AP3S1: variants seen among roughly 807,000 people sequenced by gnomAD.
AP3S1 encodes the protein AP-3 complex subunit sigma-1.
Under a neutral mutation model 21.3 loss-of-function variants are expected in AP3S1, and 12 were observed. The observed-to-expected ratio is 0.56, with a 90% CI of 0.36 to 0.91. The LOEUF (loss-of-function observed/expected upper bound fraction) is 0.91. Among genes scored for constraint, AP3S1 ranks in the 40% least tolerant of loss-of-function variants. The probability of loss-of-function intolerance (pLI) is 0.01; values close to 1 mark genes in which losing one functional copy is unlikely to be tolerated. For missense variants in AP3S1, 116 were observed against 225.0 expected (o/e 0.52, Z 3.10); for synonymous variants, 48 against 78.4 (o/e 0.61, Z 2.05).
At chr5:115,891,564 T>C (rs1214478935) in intron 3 of AP3S1, among the ~76,000 whole-genome samples, 1 of 152,166 alleles carries the variant, frequency 6.6e-6, no homozygotes, top group African/African-American at 2.4e-5. Context: ...TACCCACTTA[T>C]TATAAAGAAT....
At chr5:115,895,603 A>G (rs539767343) in intron 4 of AP3S1, among the ~76,000 whole-genome samples, 68 of 152,302 alleles carry the variant, frequency 4.5e-4, no homozygotes, top group Admixed American at 1.4e-3. Flanking sequence ...AGTTTAAAAC[A>G]ACCATTAATG....
chr5:115,854,570 G>A (rs1762663900), intron 1 of AP3S1, among the ~76,000 whole-genome samples: 1 of 152,098 alleles, frequency 6.6e-6, no homozygotes, highest in Non-Finnish European at 1.5e-5. Context: ...GACTTCTTAG[G>A]AGAGGCCTTG....
intron 5 of AP3S1, among the ~76,000 whole-genome samples, chr5:115,911,692 C>T (rs1752123773): frequency 6.6e-6 from 1 of 151,868 alleles, no homozygotes; most frequent in South Asian, 2.1e-4. Flanking sequence ...GTAGCTAGAC[C>T]TTTAACTTGA....
intron 1 of AP3S1, among the ~76,000 whole-genome samples, chr5:115,846,537 C>CT (rs578083876): frequency 1.3e-4 from 19 of 149,482 alleles, no homozygotes; most frequent in East Asian, 9.7e-4. Context: ...AGGAGGAACT[C>CT]TAAGATTCTT....
intron 5 of AP3S1, among the ~76,000 whole-genome samples, chr5:115,910,893 C>T (rs1041096281): frequency 3.9e-5 from 6 of 152,246 alleles, no homozygotes; most frequent in Admixed American, 1.3e-4. Context: ...TCATGGCATA[C>T]TACACAAAAG....
At chr5:115,895,323 C>G (rs1333447391) in intron 4 of AP3S1, among the ~76,000 whole-genome samples, 165 bp downstream of exon 4, 2 of 151,892 alleles carry the variant, frequency 1.3e-5, no homozygotes, top group African/African-American at 4.8e-5. Flanking sequence ...GGAGAAGATT[C>G]AGATCCTGCC....
At chr5:115,900,111 GCA>G (rs1751083547) in intron 4 of AP3S1, among the ~76,000 whole-genome samples, 2 of 152,002 alleles carry the variant, frequency 1.3e-5, no homozygotes, top group South Asian at 4.2e-4. Flanking sequence ...CACTAAAAGT[GCA>G]CAGAATGAAA....
At chr5:115,857,870 A>G (rs1040911467) in intron 1 of AP3S1, among the ~76,000 whole-genome samples, 5 of 152,240 alleles carry the variant, frequency 3.3e-5, no homozygotes, top group East Asian at 1.9e-4. Flanking sequence ...CAGCTGAGCC[A>G]TGTTGTAAAC....
intron 1 of AP3S1, among the ~76,000 whole-genome samples, chr5:115,862,579 T>C (rs1445252671): frequency 6.6e-6 from 1 of 152,230 alleles, no homozygotes; most frequent in Admixed American, 6.5e-5. Flanking sequence ...AACTGTAGTT[T>C]GTACTGTACT....
intron 1 of AP3S1, among the ~76,000 whole-genome samples, chr5:115,846,755 T>A (rs952567163): frequency 6.6e-6 from 1 of 152,332 alleles, no homozygotes; most frequent in South Asian, 2.1e-4. Context: ...TCAACACTCC[T>A]GAGTATGAGG....
Position 115,913,715 on chromosome 5 carries a change from TTC to T in AP3S1, c.*227_*228del, listed in dbSNP as rs1752290859. The T allele has an allele frequency of 1.7e-6, 1 of 589,660 alleles. No individual in the cohort carries two copies. The highest frequency in any genetic ancestry group is 3.8e-5 in the East Asian group (1 of 26,450). The allele number at this position is 589,660 out of a possible 1,614,324, so 36.5% of individuals were successfully genotyped here. The stretch of plus-strand genomic sequence containing the variant: ...AGTAGTTCCTATGTGATTTTTTTTT[TTC>T]TTTTCTAAACTGCATTCCTGTGCCC... On this transcript the variant is annotated 3_prime_UTR_variant, in exon 6 of 6. Coordinates refer to ENST00000316788, the MANE Select transcript of AP3S1 (RefSeq NM_001284.4).
At chr5:115,907,235 A>T (rs993016604) in intron 5 of AP3S1, among the ~76,000 whole-genome samples, 6 of 152,218 alleles carry the variant, frequency 3.9e-5, no homozygotes, top group Non-Finnish European at 8.8e-5. Context: ...ATCTTAATTT[A>T]ACTCTCACAG....
intron 1 of AP3S1, among the ~76,000 whole-genome samples, chr5:115,855,722 A>G (rs970870407): frequency 1.3e-5 from 2 of 152,196 alleles, no homozygotes; most frequent in Non-Finnish European, 2.9e-5. Context: ...TGATATCTAT[A>G]TTTTACTTCT....
intron 5 of AP3S1, among the ~76,000 whole-genome samples, chr5:115,905,995 A>C (rs1420292486): frequency 6.6e-6 from 1 of 152,136 alleles, no homozygotes; most frequent in Non-Finnish European, 1.5e-5. Flanking sequence ...GTCTCTACTA[A>C]AAATACAAAA....
At chr5:115,905,982 C>T (rs576602521) in intron 5 of AP3S1, among the ~76,000 whole-genome samples, 2 of 152,086 alleles carry the variant, frequency 1.3e-5, no homozygotes, top group Non-Finnish European at 2.9e-5. Context: ...ATGGTGAAAT[C>T]CCGTCTCTAC....
chr5:115,855,040 T>TATCA (rs1461702846), intron 1 of AP3S1, among the ~76,000 whole-genome samples: 2 of 151,814 alleles, frequency 1.3e-5, no homozygotes, highest in Non-Finnish European at 2.9e-5. Context: ...TCTATCTATC[T>TATCA]ATCTATCTAT....
At chr5:115,867,575 A>G (rs957722637) in intron 2 of AP3S1, among the ~76,000 whole-genome samples, 3 of 152,182 alleles carry the variant, frequency 2.0e-5, no homozygotes, top group Admixed American at 6.5e-5. Context: ...GGTACTTTTT[A>G]TCATGTGGAA....
At chr5:115,872,702 A>G (rs1312428142) in intron 3 of AP3S1, among the ~76,000 whole-genome samples, 1 of 151,664 alleles carries the variant, frequency 6.6e-6, no homozygotes, top group African/African-American at 2.4e-5. Flanking sequence ...TTTCTAGTAA[A>G]GAAAAAGAAG....
intron 1 of AP3S1, among the ~76,000 whole-genome samples, chr5:115,843,769 G>A (rs1482731814): frequency 6.6e-6 from 1 of 152,198 alleles, no homozygotes; most frequent in African/African-American, 2.4e-5. Flanking sequence ...TACTCGTATA[G>A]TGTATAATTT....
Sources: gnomAD v4.1 joint callset for allele counts (sites outside exome capture counted in the v4.1 genomes callset) on GRCh38, gnomAD v4.1.1 for gene constraint, MANE v1.5 for transcripts, NCBI Gene and HGNC (gene_info 2026-07-23, HGNC 2026-07-21) for gene names.